The following ADSS2 variants were observed in gnomAD, a reference collection of about 807,000 sequenced individuals.
ADSS2 encodes adenylosuccinate synthase 2.
ADSS2 carries 30 observed loss-of-function variants against 60.0 expected under a neutral mutation model. The observed-to-expected ratio is 0.50, with a 90% CI of 0.37 to 0.68. ADSS2 has a LOEUF of 0.68. ADSS2 is among the 30% of genes least tolerant of loss of function. The probability of loss-of-function intolerance (pLI) is 0.00; values close to 1 mark genes in which losing one functional copy is unlikely to be tolerated. For synonymous variants in ADSS2, 187 were observed against 193.1 expected, an observed-to-expected ratio of 0.97 and a Z score of 0.26; for missense variants, 373 against 554.8, an observed-to-expected ratio of 0.67 and a Z score of 3.29.
chr1:244,435,283 C>CAATTATGT (rs1019706590), intron 3 of ADSS2, among the ~76,000 whole-genome samples: 2 of 148,934 alleles, frequency 1.3e-5, no homozygotes, highest in African/African-American at 5.0e-5. Context: ...TGATTTTCCT[C>CAATTATGT]AATTATGTAT....
chr1:244,411,846 T>G (rs1664425304), intron 11 of ADSS2, among the ~76,000 whole-genome samples: 1 of 152,236 alleles, frequency 6.6e-6, no homozygotes, highest in Non-Finnish European at 1.5e-5. Flanking sequence ...ACCTGCTGTC[T>G]TCTGAGAAAT....
intron 2 of ADSS2, among the ~76,000 whole-genome samples, chr1:244,437,377 G>C (rs967674905): frequency 6.6e-6 from 1 of 152,094 alleles, no homozygotes; most frequent in Non-Finnish European, 1.5e-5. Flanking sequence ...GGAAAAAAAA[G>C]TATTTGGAAA....
At position 244,415,989 on chromosome 1, in the gene ADSS2, T is replaced by C. The variant is rs1229012662; in HGVS notation, c.1160A>G (p.His387Arg). Reference sequence around the variant, plus strand: ...TGCCTAAAAGAAAATACCTGGGATATGAGGTATGATTTCACCATCTAACTT... The same window carrying C: ...TGCCTAAAAGAAAATACCTGGGATACGAGGTATGATTTCACCATCTAACTT... ...AYKLDGEIIP[H>R]IPANQEVLNK... Residue 387 changes from histidine (H) to arginine (R), a missense_variant, in exon 11 of 13, where the codon CAT becomes CGT. Transcript: ENST00000366535. The C allele has an allele frequency of 6.2e-7, 1 of 1,607,224 alleles. No individual in the cohort carries two copies. Among genetic ancestry groups the C allele is most frequent in the Admixed American group, 1.7e-5 (1 of 59,954 alleles).
chr1:244,450,672 C>G (rs759140993), intron 1 of ADSS2, among the ~76,000 whole-genome samples: 9 of 152,146 alleles, frequency 5.9e-5, no homozygotes, highest in Middle Eastern at 3.2e-3. Context: ...TGCTCATCTG[C>G]TTAGAATTTT....
intron 10 of ADSS2, among the ~76,000 whole-genome samples, chr1:244,416,745 T>C (rs909970937): frequency 2.0e-5 from 3 of 152,174 alleles, no homozygotes; most frequent in African/African-American, 7.2e-5. Context: ...TTAAGATACA[T>C]GTACATTTAC....
chr1:244,432,506 A>C (rs767554979), intron 4 of ADSS2, 39 bp downstream of exon 4: 1 of 1,387,822 alleles, frequency 7.2e-7, no homozygotes. Flanking sequence ...ATTTCAGATA[A>C]AAAGATAGTT....
chr1:244,440,497 A>G (rs1490586983), intron 1 of ADSS2, among the ~76,000 whole-genome samples: 1 of 152,232 alleles, frequency 6.6e-6, no homozygotes, highest in African/African-American at 2.4e-5. Context: ...GCACAGGCAG[A>G]CGGAAACAGG....
intron 1 of ADSS2, among the ~76,000 whole-genome samples, chr1:244,444,621 A>G (rs1665341033): frequency 6.6e-6 from 1 of 151,826 alleles, no homozygotes; most frequent in South Asian, 2.1e-4. Flanking sequence ...AATAAACTGG[A>G]ACATCATGAT....
In ADSS2 at chr1:244,408,677, T is replaced by C. The variant is rs1334853471; in HGVS notation, c.*909A>G. ...GGAGAAATAAAGGCATAATCAAAAT[T>C]ATGGCTAACAACGTGGGTTCATTTT... is the stretch of plus-strand genomic sequence containing the variant. On this transcript the variant is annotated 3_prime_UTR_variant, in exon 13 of 13. Coordinates refer to ENST00000366535, the MANE Select transcript of ADSS2 (RefSeq NM_001126.5). 1 of 152,400 alleles carries C rather than the reference T, an allele frequency of 6.6e-6. No individual in the cohort carries two copies. The highest frequency in any genetic ancestry group is 1.5e-5 in the Non-Finnish European group (1 of 67,996). The allele number at this position is 152,400 out of a possible 1,614,324, so 9.4% of individuals were successfully genotyped here.
intron 6 of ADSS2, 45 bp downstream of exon 6, chr1:244,423,908 A>C: frequency 6.6e-7 from 1 of 1,506,340 alleles, no homozygotes; most frequent in South Asian, 1.2e-5. Flanking sequence ...AAAAAAAATC[A>C]AAAAATGCAT....
At chr1:244,442,116 CA>C (rs1665262986) in intron 1 of ADSS2, among the ~76,000 whole-genome samples, 1 of 152,030 alleles carries the variant, frequency 6.6e-6, no homozygotes, top group Non-Finnish European at 1.5e-5. Flanking sequence ...TATTATTTGA[CA>C]ATTATTACTG....
chr1:244,420,253 T>C lies in ADSS2; in HGVS notation c.707A>G (p.Tyr236Cys), dbSNP rs771643025. ...KIKPMVRDGV[Y>C]FLYEALHGPP... ...TCCATGTAGGGCCTCATATAGAAAA[T>C]AAACTCCATCTCTCACCATTGGTTT... is the stretch of plus-strand genomic sequence containing the variant. Residue 236 changes from tyrosine (Y) to cysteine (C), a missense_variant, in exon 8 of 13, where the codon TAT (tyrosine) becomes TGT (cysteine). By Grantham distance (194) the Tyr-to-Cys change is radical. This residue lies in a region of ADSS2 where 139 missense variants were observed against 189.4 expected (regional missense o/e 0.73). Transcript: ENST00000366535. 3.1e-6 allele frequency: 5 copies of C among 1,613,522 alleles called. No individual in the cohort carries two copies. The South Asian group carries it at 4.4e-5, about 14-fold the overall frequency.
intron 4 of ADSS2, among the ~76,000 whole-genome samples, chr1:244,428,048 G>C (rs1246037443): frequency 6.6e-6 from 1 of 152,144 alleles, no homozygotes; most frequent in Admixed American, 6.5e-5. Flanking sequence ...GCACTCCTCC[G>C]AGTAACTGAT....
intron 1 of ADSS2, among the ~76,000 whole-genome samples, chr1:244,444,879 A>C (rs3003213): frequency 0.23 from 34,644 of 151,962 alleles, 4,275 homozygotes; most frequent in Middle Eastern, 0.31. Flanking sequence ...CTCATACCTT[A>C]TTTTCCTATA....
intron 4 of ADSS2, among the ~76,000 whole-genome samples, chr1:244,428,495 C>CAAAG (rs921413387): frequency 1.5e-5 from 2 of 135,370 alleles, no homozygotes; most frequent in African/African-American, 5.7e-5. Context: ...AAAGAGGAAG[C>CAAAG]AAAGAAGGAA....
rs188998389 is a variant in ADSS2 at position 244,440,499 on chromosome 1, G to A, written c.184-2731C>T. 3.3e-3 allele frequency among the ~76,000 whole-genome samples: 508 copies of A among 152,254 alleles called. 4 individuals carry two copies. The highest frequency in any genetic ancestry group is 0.012 in the African/African-American group (484 of 41,542). The stretch of plus-strand genomic sequence containing the variant: ...ACACTTTGGAAAGGCACAGGCAGAC[G>A]GAAACAGGGATGATGGGCAACACCT... On this transcript the variant is annotated intron_variant, in intron 1 of 12. Coordinates refer to ENST00000366535, the MANE Select transcript of ADSS2 (RefSeq NM_001126.5).
intron 1 of ADSS2, among the ~76,000 whole-genome samples, chr1:244,439,825 C>A (rs1665193629): frequency 2.0e-5 from 3 of 152,182 alleles, no homozygotes; most frequent in Admixed American, 6.5e-5. Context: ...CTCAGGTTCT[C>A]AATGCTAGGA....
At position 244,449,844 on chromosome 1, in the gene ADSS2, A is replaced by T. The variant is rs374293196; in HGVS notation, c.183+1791T>A. On this transcript the variant is annotated intron_variant, in intron 1 of 12. Transcript: ENST00000366535. ...TTAGTTCCTTCTCAATCACTTCTCTAGCCTTTCCAAGGGCATCAGATCAGG... is the reference window on the plus strand; with the variant it reads ...TTAGTTCCTTCTCAATCACTTCTCTTGCCTTTCCAAGGGCATCAGATCAGG... Among the ~76,000 whole-genome samples, 4 of 152,134 alleles carry T rather than the reference A, an allele frequency of 2.6e-5. No individual in the cohort carries two copies. The East Asian group carries it at 5.8e-4, about 22-fold the overall frequency.
intron 3 of ADSS2, among the ~76,000 whole-genome samples, chr1:244,433,222 C>T (rs1051857526): frequency 2.0e-5 from 3 of 152,042 alleles, no homozygotes; most frequent in South Asian, 2.1e-4. Context: ...TGTGGCGGAG[C>T]GAGATGCTGT....
Sources: gnomAD v4.1 joint callset for allele counts (sites outside exome capture counted in the v4.1 genomes callset) on GRCh38, gnomAD v4.1.1 for gene constraint, gnomAD v4.1.1 regional missense constraint, MANE v1.5 for transcripts, NCBI Gene and HGNC (gene_info 2026-07-23, HGNC 2026-07-21) for gene names.